The following KDM5D variants were observed in gnomAD, a reference collection of about 807,000 sequenced individuals.
KDM5D encodes the protein lysine-specific demethylase 5D.
In KDM5D, 25 loss-of-function variants were observed where a neutral mutation model predicts 31.9. That is an observed-to-expected ratio of 0.78 (90% confidence interval 0.57 to 1.09). KDM5D has a LOEUF of 1.09. KDM5D is among the 50% of genes least tolerant of loss of function. The pLI is 0.00. For missense variants in KDM5D, 366 were observed against 341.6 expected, an observed-to-expected ratio of 1.07 and a Z score of -0.56; for synonymous variants, 146 against 122.3, an observed-to-expected ratio of 1.19 and a Z score of -1.28.
chrY:19,733,913 G>A, intron 8 of KDM5D, among the ~76,000 whole-genome samples: 1 of 32,736 alleles, frequency 3.1e-5, no homozygotes, highest in South Asian at 6.6e-4. Context: ...ATCAGGAAAA[G>A]GTTTCATAAA....
In KDM5D at chrY:19,705,107, A is replaced by T; in HGVS notation, c.*888T>A. The stretch of plus-strand genomic sequence containing the variant: ...ATCTGGCCACAGGGGACAGACACAT[A>T]GTTAAATGATGCAATGCAACAAGTT... On this transcript the variant is annotated 3_prime_UTR_variant, in exon 27 of 27. Coordinates refer to ENST00000317961, the MANE Select transcript of KDM5D (RefSeq NM_004653.5). 1 of 34,024 alleles carries T rather than the reference A, an allele frequency of 2.9e-5. No homozygotes were observed. Among genetic ancestry groups the T allele is most frequent in the Admixed American group, 2.6e-4 (1 of 3,776 alleles). The allele number at this position is 34,024 out of a possible 400,897, so 8.5% of individuals were successfully genotyped here.
chrY:19,722,467 T>A lies in KDM5D; in HGVS notation c.1372-1156A>T, dbSNP rs760764140. 8 of 33,408 alleles carry A rather than the reference T, an allele frequency of 2.4e-4. No homozygotes were observed. In the East Asian group the frequency reaches 6.2e-3, roughly 26 times the overall value. 8.3% of individuals were successfully genotyped at this position (33,408 alleles called of 400,897 possible). ...GACATAAGAGGAAAGCTCCATGACA[T>A]TGATCTTGGCAAGAATTTTGTGGAT... On this transcript the variant is annotated intron_variant, in intron 11 of 26. Coordinates refer to ENST00000317961, the MANE Select transcript of KDM5D (RefSeq NM_004653.5).
At chrY:19,739,821 G>C in intron 5 of KDM5D, among the ~76,000 whole-genome samples, 159 bp from the exon 6 acceptor site, 1 of 33,835 alleles carries the variant, frequency 3.0e-5, no homozygotes, top group African/African-American at 1.2e-4. Flanking sequence ...GACAATTTTC[G>C]TGCCTCTGCT....
At chrY:19,710,537 C>T in intron 18 of KDM5D, 65 bp from the exon 19 acceptor site, 1 of 216,632 alleles carries the variant, frequency 4.6e-6, no homozygotes, top group Non-Finnish European at 8.0e-6. Flanking sequence ...TTTTAATATA[C>T]TTCCTTCCCT....
chrY:19,709,391 G>A, intron 20 of KDM5D, 60 bp downstream of exon 20: 1 of 383,574 alleles, frequency 2.6e-6, no homozygotes, highest in Non-Finnish European at 3.7e-6. Context: ...AATACTTAGG[G>A]TCACCCCAAA....
chrY:19,722,597 ACG>A (rs2045401335), intron 11 of KDM5D: 15 of 33,001 alleles, frequency 4.5e-4, no homozygotes, highest in Admixed American at 2.2e-3. Flanking sequence ...GAATAAGGCA[ACG>A]ACCTACAGAA....
At chrY:19,740,901 G>A in intron 5 of KDM5D, among the ~76,000 whole-genome samples, 3 of 33,097 alleles carry the variant, frequency 9.1e-5, no homozygotes, top group Admixed American at 5.5e-4. Context: ...GAAGAATGGC[G>A]TGAACCCGGG....
At chrY:19,708,847 G>A in intron 21 of KDM5D, 28 bp downstream of exon 21, 25 of 386,532 alleles carry the variant, frequency 6.5e-5, no homozygotes, top group Non-Finnish European at 8.4e-5. Flanking sequence ...CTGGCCTGAC[G>A]CAGTAAAGCA....
intron 9 of KDM5D, 120 bp from the exon 10 acceptor site, chrY:19,732,285 CAT>C (rs2032675): frequency 0.013 from 2,525 of 193,677 alleles, no homozygotes; most frequent in South Asian, 0.1. Context: ...TCTGCATTTT[CAT>C]ATGTTTCCAG....
In KDM5D at chrY:19,707,251, G is replaced by A. The variant is rs750708901; in HGVS notation, c.3895C>T (p.Arg1299Cys). Residue 1299 changes from arginine to cysteine, a missense_variant, in exon 24 of 27, where the codon CGC becomes TGC. Arg to Cys is a radical substitution (Grantham distance 180). Transcript: ENST00000317961. ...TALLRQLAEL[R>C]QQLQAKPRPE... ...CTGGGTTTGGCCTGTAGCTGTTGGC[G>A]AAGCTCAGCCAGCTGTCGCAACAGA... The A allele has an allele frequency of 2.5e-6, 1 of 396,476 alleles. No individual in the cohort carries two copies. The highest frequency in any genetic ancestry group is 3.5e-6 in the Non-Finnish European group (1 of 282,200).
chrY:19,741,881 G>C (rs775336125), intron 3 of KDM5D, 24 bp from the exon 4 acceptor site: 2 of 373,625 alleles, frequency 5.4e-6, no homozygotes, highest in Admixed American at 8.3e-5. Context: ...GGCCTTATAA[G>C]ATTGGCATAC....
intron 18 of KDM5D, among the ~76,000 whole-genome samples, chrY:19,711,291 G>C (rs2045296611): frequency 3.0e-5 from 1 of 33,457 alleles, no homozygotes; most frequent in Admixed American, 2.7e-4. Context: ...AGGGAAAGGA[G>C]TTATCCAGAA....
At chrY:19,716,535 A>G in intron 14 of KDM5D, 61 bp downstream of exon 14, 1 of 394,822 alleles carries the variant, frequency 2.5e-6, no homozygotes, top group Non-Finnish European at 3.6e-6. Context: ...GCTTCTCCAC[A>G]ATAATCCTTA....
At chrY:19,710,635 T>C (rs754540920) in intron 18 of KDM5D, 163 bp from the exon 19 acceptor site, 339 of 152,558 alleles carry the variant, frequency 2.2e-3, no homozygotes, top group Admixed American at 4.5e-3. Context: ...CGTAGGCGTT[T>C]GACAGCAGTT....
At chrY:19,720,776 T>C in intron 13 of KDM5D, 96 bp downstream of exon 13, 1 of 252,490 alleles carries the variant, frequency 4.0e-6, no homozygotes, top group South Asian at 3.6e-5. Context: ...CATAGCAAAA[T>C]GGATATGGTT....
intron 11 of KDM5D, among the ~76,000 whole-genome samples, chrY:19,730,047 A>G (rs766912511): frequency 3.0e-5 from 1 of 33,546 alleles, no homozygotes; most frequent in African/African-American, 1.2e-4. Context: ...ATCCACAGAA[A>G]GAAAGATAAA....
At position 19,709,662 on chromosome Y, in the gene KDM5D, G is replaced by T. The variant is rs766705675; in HGVS notation, c.2731C>A (p.Gln911Lys). The T allele has an allele frequency of 2.5e-6, 1 of 397,336 alleles. No homozygotes were observed. Among genetic ancestry groups the T allele is most frequent in the African/African-American group, 6.2e-5 (1 of 16,088 alleles). The change falls in exon 20 of 27, where the codon CAG becomes AAG. Residue 911 changes from glutamine (Q) to lysine (K), a missense_variant. Gln to Lys is a moderately conservative substitution (Grantham distance 53, BLOSUM62 1). Transcript: ENST00000317961. ...EVPEAHQLQQ[Q>K]VEQAQWLDEV... ...TCTAGCCATTGCGCCTGCTCCACCTGCTGCTGAAGCTGATGGGCTTCAGGC... is the reference window on the plus strand; with the variant it reads ...TCTAGCCATTGCGCCTGCTCCACCTTCTGCTGAAGCTGATGGGCTTCAGGC...
intron 11 of KDM5D, among the ~76,000 whole-genome samples, chrY:19,724,994 A>G (rs2045420200): frequency 3.0e-5 from 1 of 32,948 alleles, no homozygotes; most frequent in Non-Finnish European, 7.4e-5. Flanking sequence ...TAAGAATACA[A>G]CTTACAAGGG....
rs777792467 is a variant in KDM5D, at chrY:19,709,479, C to T, written c.2914G>A (p.Glu972Lys). Residue 972 changes from glutamate to lysine, a missense_variant, in exon 20 of 27, where the codon GAA (glutamate) becomes AAA (lysine). Transcript: ENST00000317961. ...ELLTIAERWE[E>K]KAHFCLEARQ... ...GCCTCCAGGCAGAAATGAGCCTTTT[C>T]TTCCCAGCGCTCTGCAATGGTCAGT... The T allele has an allele frequency of 7.5e-6, 3 of 398,781 alleles. No individual in the cohort carries two copies. Among genetic ancestry groups the T allele is most frequent in the Non-Finnish European group, 1.1e-5 (3 of 283,460 alleles).
Sources: allele counts gnomAD v4.1 joint callset (sites outside exome capture counted in the v4.1 genomes callset), GRCh38; gene constraint gnomAD v4.1.1; transcripts MANE v1.5; gene names NCBI Gene and HGNC (gene_info 2026-07-23, HGNC 2026-07-21).